The following PRORP variants were observed in gnomAD, a reference collection of about 807,000 sequenced individuals.
The protein encoded by PRORP is protein only RNase P catalytic subunit.
PRORP carries 51 observed loss-of-function variants against 59.4 expected under a neutral mutation model. The ratio of observed to expected loss-of-function variants is 0.86; its 90% CI spans 0.69 to 1.08. The LOEUF is 1.08. Among genes scored for constraint, PRORP ranks in the 50% least tolerant of loss-of-function variants. The pLI is 0.00. For synonymous variants in PRORP, 231 were observed against 245.6 expected (o/e 0.94, Z 0.55); for missense variants, 646 against 690.3 (o/e 0.94, Z 0.72).
At chr14:35,188,335 C>T (rs28838057) in intron 5 of PRORP, among the ~76,000 whole-genome samples, 5,930 of 151,088 alleles carry the variant, frequency 0.039, 380 homozygotes, top group African/African-American at 0.13. Context: ...GGATTATGGG[C>T]GTGCACCACT....
At chr14:35,261,219 CCAT>C (rs1230654083) in intron 5 of PRORP, among the ~76,000 whole-genome samples, 2 of 152,184 alleles carry the variant, frequency 1.3e-5, no homozygotes, top group African/African-American at 2.4e-5. Context: ...GAACTCACCA[CCAT>C]GTCAGTCCTT....
chr14:35,138,204 C>T (rs923423798), intron 4 of PRORP, among the ~76,000 whole-genome samples: 5 of 144,992 alleles, frequency 3.4e-5, no homozygotes, highest in African/African-American at 9.8e-5. Context: ...CTTATAAGGA[C>T]ACCCATCAGA....
At chr14:35,168,539 T>C (rs1041991976) in intron 4 of PRORP, among the ~76,000 whole-genome samples, 3 of 152,320 alleles carry the variant, frequency 2.0e-5, no homozygotes, top group East Asian at 3.9e-4. Flanking sequence ...TTGGGTTTAG[T>C]TGTCATGTTT....
At chr14:35,154,721 G>A (rs959518538) in intron 4 of PRORP, among the ~76,000 whole-genome samples, 3 of 151,578 alleles carry the variant, frequency 2.0e-5, no homozygotes, top group African/African-American at 7.3e-5. Context: ...AAAAGAGATG[G>A]AGCAATGATC....
intron 4 of PRORP, among the ~76,000 whole-genome samples, chr14:35,178,050 C>T (rs1381380914): frequency 1.3e-5 from 2 of 152,082 alleles, no homozygotes; most frequent in Admixed American, 6.6e-5. Context: ...TGTAGTTGAG[C>T]GGTTGAGTGA....
chr14:35,136,520 A>G (rs1271037035), intron 4 of PRORP, among the ~76,000 whole-genome samples: 2 of 144,936 alleles, frequency 1.4e-5, no homozygotes, highest in Non-Finnish European at 1.5e-5. Context: ...GATTACAGGC[A>G]TGCACCACCA....
chr14:35,180,632 A>G (rs1480834477), intron 4 of PRORP, 38 bp from the exon 5 acceptor site: 61 of 1,263,084 alleles, frequency 4.8e-5, no homozygotes, highest in Non-Finnish European at 6.7e-5. Flanking sequence ...GTCCTTACTG[A>G]GTTCTTATTA....
chr14:35,202,204 G>A (rs1353853842), intron 5 of PRORP, among the ~76,000 whole-genome samples: 3 of 151,676 alleles, frequency 2.0e-5, no homozygotes, highest in African/African-American at 4.8e-5. Flanking sequence ...TGATCCGCTC[G>A]CCTCAGCCTC....
chr14:35,244,652 T>C (rs981200421), intron 5 of PRORP, among the ~76,000 whole-genome samples: 2 of 152,150 alleles, frequency 1.3e-5, no homozygotes, highest in Non-Finnish European at 2.9e-5. Flanking sequence ...GCATAAAATA[T>C]ATCATGTGTA....
At chr14:35,176,569 T>C in intron 4 of PRORP, among the ~76,000 whole-genome samples, 1 of 152,152 alleles carries the variant, frequency 6.6e-6, no homozygotes, top group East Asian at 1.9e-4. Context: ...TAAGAATGCT[T>C]GTGATTTTTG....
intron 4 of PRORP, among the ~76,000 whole-genome samples, chr14:35,149,790 GCATTTGCAAA>G (rs1475749661): frequency 1.3e-5 from 2 of 152,094 alleles, no homozygotes; most frequent in Admixed American, 1.3e-4. Context: ...CGAGAACTTT[GCATTTGCAAA>G]GTTTGGTACC....
chr14:35,204,611 T>A (rs2049243507), intron 5 of PRORP, among the ~76,000 whole-genome samples: 1 of 152,116 alleles, frequency 6.6e-6, no homozygotes, highest in African/African-American at 2.4e-5. Flanking sequence ...ATAGTCTTTA[T>A]CCTTAAGAGT....
At chr14:35,244,927 A>T (rs1404878749) in intron 5 of PRORP, among the ~76,000 whole-genome samples, 1 of 152,058 alleles carries the variant, frequency 6.6e-6, no homozygotes, top group African/African-American at 2.4e-5. Context: ...TGTGTGAGGA[A>T]GGGGCAAGAT....
At chr14:35,249,432 A>G (rs1192095666) in intron 5 of PRORP, among the ~76,000 whole-genome samples, 1 of 152,146 alleles carries the variant, frequency 6.6e-6, no homozygotes, top group African/African-American at 2.4e-5. Context: ...AAATAAAAAA[A>G]TAAAAAATTA....
chr14:35,145,990 G>T (rs535103483), intron 4 of PRORP, among the ~76,000 whole-genome samples: 128 of 151,370 alleles, frequency 8.5e-4, no homozygotes, highest in Non-Finnish European at 1.5e-3. Context: ...CACCACACCC[G>T]GCTAATTTTT....
At chr14:35,203,820 A>C (rs1268708955) in intron 5 of PRORP, among the ~76,000 whole-genome samples, 2 of 152,170 alleles carry the variant, frequency 1.3e-5, no homozygotes, top group African/African-American at 4.8e-5. Context: ...AGCTGAGATC[A>C]CGCCACTGCA....
chr14:35,228,274 ACT>A (rs956780287), intron 5 of PRORP, among the ~76,000 whole-genome samples: 1 of 152,236 alleles, frequency 6.6e-6, no homozygotes, highest in Non-Finnish European at 1.5e-5. Flanking sequence ...ATAACATGTA[ACT>A]CTGAATAAAT....
chr14:35,235,236 C>T (rs192020016), intron 5 of PRORP: 18 of 728,582 alleles, frequency 2.5e-5, no homozygotes, highest in Non-Finnish European at 3.9e-5. Flanking sequence ...ATGCGAGCCA[C>T]AGACTTGGGA....
rs2046971449 is a variant in PRORP at position 35,122,957 on chromosome 14, T to C, written c.-289T>C. ...GTCTTGTGCTTTTTCCTCAGGTTCA[T>C]GAACTGGAATGTAAGAGGCACCAGA... On this transcript the variant is annotated 5_prime_UTR_variant, in exon 2 of 8. The change abolishes an upstream ATG in the 5' untranslated region. Transcript: ENST00000534898. The C allele has an allele frequency of 2.9e-6, 1 of 349,870 alleles. No individual in the cohort carries two copies. The highest frequency in any genetic ancestry group is 5.3e-6 in the Non-Finnish European group (1 of 189,370). The allele number at this position is 349,870 out of a possible 1,614,324, so 21.7% of individuals were successfully genotyped here.
Sources: allele counts gnomAD v4.1 joint callset (sites outside exome capture counted in the v4.1 genomes callset), GRCh38; gene constraint gnomAD v4.1.1; transcripts MANE v1.5; gene names NCBI Gene and HGNC (gene_info 2026-07-23, HGNC 2026-07-21).